The following PPP3CA variants were observed in gnomAD, a reference collection of about 807,000 sequenced individuals.
PPP3CA encodes protein phosphatase 3 catalytic subunit alpha, also known as CAM-PRP catalytic subunit.
Under a neutral mutation model 66.5 loss-of-function variants are expected in PPP3CA, and 14 were observed. The ratio of observed to expected loss-of-function variants is 0.21; its 90% CI spans 0.14 to 0.33. PPP3CA has a LOEUF of 0.33. Ranked by LOEUF, PPP3CA falls within the 10% of genes least tolerant of loss-of-function variation. The probability of loss-of-function intolerance (pLI) is 1.00; values close to 1 mark genes in which losing one functional copy is unlikely to be tolerated. For missense variants in PPP3CA, 317 were observed against 639.5 expected, an observed-to-expected ratio of 0.50 and a Z score of 5.44; for synonymous variants, 232 against 226.2, an observed-to-expected ratio of 1.03 and a Z score of -0.23.
At chr4:101,174,598 A>C (rs1723995347) in intron 2 of PPP3CA, among the ~76,000 whole-genome samples, 1 of 152,204 alleles carries the variant, frequency 6.6e-6, no homozygotes, top group Non-Finnish European at 1.5e-5. Context: ...AAACCTAAAC[A>C]CAAAATTATA....
chr4:101,290,179 G>A (rs145206023), intron 1 of PPP3CA, among the ~76,000 whole-genome samples: 1 of 152,140 alleles, frequency 6.6e-6, no homozygotes, highest in South Asian at 2.1e-4. Context: ...CTTGAAAATA[G>A]TAATTTCTCT....
chr4:101,179,603 A>G (rs750495626), intron 2 of PPP3CA, among the ~76,000 whole-genome samples: 3 of 152,124 alleles, frequency 2.0e-5, no homozygotes, highest in Non-Finnish European at 4.4e-5. Context: ...GAAACAAGTA[A>G]TTTGTCTCAT....
At chr4:101,325,856 T>C (rs1042103965) in intron 1 of PPP3CA, among the ~76,000 whole-genome samples, 3 of 152,136 alleles carry the variant, frequency 2.0e-5, no homozygotes, top group African/African-American at 4.8e-5. Context: ...GGCTTTAAAA[T>C]ACTTTGGCAA....
chr4:101,302,517 G>C (rs1728410605), intron 1 of PPP3CA, among the ~76,000 whole-genome samples: 1 of 152,124 alleles, frequency 6.6e-6, no homozygotes, highest in African/African-American at 2.4e-5. Flanking sequence ...ACATCTCTAA[G>C]GCTGCCATTA....
At chr4:101,110,134 T>A (rs1721621091) in intron 2 of PPP3CA, among the ~76,000 whole-genome samples, 1 of 152,134 alleles carries the variant, frequency 6.6e-6, no homozygotes, top group Non-Finnish European at 1.5e-5. Flanking sequence ...ATTTTAAAAA[T>A]TTTGTGCTTG....
intron 1 of PPP3CA, among the ~76,000 whole-genome samples, chr4:101,266,530 A>C (rs964285895): frequency 1.3e-5 from 2 of 152,226 alleles, no homozygotes; most frequent in Non-Finnish European, 2.9e-5. Flanking sequence ...TATTCAGTCT[A>C]TATCAACTGT....
At chr4:101,266,504 T>A (rs978461536) in intron 1 of PPP3CA, among the ~76,000 whole-genome samples, 5 of 152,192 alleles carry the variant, frequency 3.3e-5, no homozygotes, top group African/African-American at 4.8e-5. Flanking sequence ...ATCTTTCTCA[T>A]TTAAAATCAC....
At chr4:101,338,857 A>T (rs1729719290) in intron 1 of PPP3CA, among the ~76,000 whole-genome samples, 1 of 152,244 alleles carries the variant, frequency 6.6e-6, no homozygotes, top group African/African-American at 2.4e-5. Flanking sequence ...TTTAAAATCA[A>T]ATTCCTTTGT....
At chr4:101,043,596 C>T (rs747067135) in intron 10 of PPP3CA, among the ~76,000 whole-genome samples, 6 of 151,786 alleles carry the variant, frequency 4.0e-5, no homozygotes, top group Non-Finnish European at 5.9e-5. Flanking sequence ...ATTTCTCGGC[C>T]GGGCGCAGTG....
At chr4:101,143,490 C>T (rs764109259) in intron 2 of PPP3CA, among the ~76,000 whole-genome samples, 1 of 152,118 alleles carries the variant, frequency 6.6e-6, no homozygotes, top group African/African-American at 2.4e-5. Context: ...CCTCACTCTC[C>T]CTAATCACTC....
intron 2 of PPP3CA, among the ~76,000 whole-genome samples, chr4:101,132,278 C>T (rs970480192): frequency 6.6e-6 from 1 of 151,878 alleles, no homozygotes; most frequent in Admixed American, 6.6e-5. Flanking sequence ...GACATAGAGA[C>T]ACAAAAAAAC....
At chr4:101,108,723 C>G (rs557745427) in intron 3 of PPP3CA, among the ~76,000 whole-genome samples, 6 of 152,314 alleles carry the variant, frequency 3.9e-5, no homozygotes, top group Non-Finnish European at 7.4e-5. Context: ...TAGCAGAGAT[C>G]ACGCCACTGC....
chr4:101,106,207 G>A (rs1730659202), intron 3 of PPP3CA, among the ~76,000 whole-genome samples: 1 of 151,298 alleles, frequency 6.6e-6, no homozygotes, highest in South Asian at 2.1e-4. Context: ...TGTAGTCCCA[G>A]CTACTTGGGA....
chr4:101,232,296 G>A lies in PPP3CA; in HGVS notation c.59-36180C>T, dbSNP rs114404215. On this transcript the variant is annotated intron_variant, in intron 1 of 13. Coordinates refer to ENST00000394854, the MANE Select transcript of PPP3CA (RefSeq NM_000944.5). ...GCATGCTGAGTTATTTTTGCCAGTA[G>A]TAATGATGAATTGTGCTGACTGAGC... Among the ~76,000 whole-genome samples, 951 of 151,682 alleles carry A rather than the reference G, an allele frequency of 6.3e-3. 7 individuals carry two copies. The highest frequency in any genetic ancestry group is 0.022 in the African/African-American group (921 of 41,470).
At chr4:101,280,290 C>G (rs548463416) in intron 1 of PPP3CA, among the ~76,000 whole-genome samples, 1 of 152,230 alleles carries the variant, frequency 6.6e-6, no homozygotes, top group African/African-American at 2.4e-5. Context: ...ATGTGGGTAT[C>G]TGGGAGAAAA....
At chr4:101,223,378 CA>C (rs1725683664) in intron 1 of PPP3CA, among the ~76,000 whole-genome samples, 1 of 151,734 alleles carries the variant, frequency 6.6e-6, no homozygotes, top group African/African-American at 2.4e-5. Context: ...TTGGCTCTGC[CA>C]AACAGCCCAG....
At chr4:101,270,361 G>A (rs899633962) in intron 1 of PPP3CA, among the ~76,000 whole-genome samples, 7 of 152,122 alleles carry the variant, frequency 4.6e-5, no homozygotes, top group African/African-American at 1.7e-4. Flanking sequence ...TCAATGTCAG[G>A]TACTAGATAA....
At chr4:101,216,979 A>G (rs934237890) in intron 1 of PPP3CA, among the ~76,000 whole-genome samples, 1 of 152,188 alleles carries the variant, frequency 6.6e-6, no homozygotes, top group African/African-American at 2.4e-5. Context: ...TCAAATATGA[A>G]TATCACAATT....
intron 1 of PPP3CA, among the ~76,000 whole-genome samples, chr4:101,232,997 CT>C (rs1295438699): frequency 6.7e-6 from 1 of 149,328 alleles, no homozygotes; most frequent in Non-Finnish European, 1.5e-5. Context: ...AATTAATTAT[CT>C]AAATATGAAC....
Sources: gnomAD v4.1 joint callset for allele counts (sites outside exome capture counted in the v4.1 genomes callset) on GRCh38, gnomAD v4.1.1 for gene constraint, MANE v1.5 for transcripts, NCBI Gene and HGNC (gene_info 2026-07-23, HGNC 2026-07-21) for gene names.